Variants in LRRTM4 observed in about 807,000 individuals in gnomAD.
The protein encoded by LRRTM4 is leucine rich repeat transmembrane neuronal 4, also known as leucine-rich repeat transmembrane neuronal protein 4.
In LRRTM4, 25 loss-of-function variants were observed where a neutral mutation model predicts 47.6. That is an observed-to-expected ratio of 0.53 (90% CI 0.38 to 0.73). LRRTM4 has a LOEUF of 0.73. LRRTM4 is among the 30% of genes least tolerant of loss of function. The pLI, the probability that LRRTM4 is intolerant of heterozygous loss-of-function variation, is 0.00. For missense variants in LRRTM4, 638 were observed against 713.4 expected (o/e 0.89, Z 1.20); for synonymous variants, 311 against 269.5 (o/e 1.15, Z -1.51).
intron 3 of LRRTM4, among the ~76,000 whole-genome samples, chr2:76,760,759 A>G (rs897141437): frequency 6.6e-6 from 1 of 152,192 alleles, no homozygotes; most frequent in Admixed American, 6.5e-5. Flanking sequence ...CCTTCTAATG[A>G]GCAGTAAAAA....
chr2:77,167,009 G>T (rs906952232), intron 3 of LRRTM4, among the ~76,000 whole-genome samples: 1 of 152,100 alleles, frequency 6.6e-6, no homozygotes, highest in Non-Finnish European at 1.5e-5. Flanking sequence ...TACCATCAGA[G>T]TGAAGAGGCA....
chr2:77,324,242 G>A (rs1176967683), intron 3 of LRRTM4, among the ~76,000 whole-genome samples: 1 of 152,144 alleles, frequency 6.6e-6, no homozygotes, highest in Admixed American at 6.5e-5. Context: ...AGCTTGTGTT[G>A]AGGTGTATTG....
intron 3 of LRRTM4, among the ~76,000 whole-genome samples, chr2:76,820,971 A>T (rs1671035722): frequency 6.6e-6 from 1 of 151,690 alleles, no homozygotes; most frequent in African/African-American, 2.4e-5. Context: ...CTTTTTTTGC[A>T]TTGAAATTAA....
intron 3 of LRRTM4, among the ~76,000 whole-genome samples, chr2:77,300,904 T>C (rs556250830): frequency 1.3e-5 from 2 of 152,278 alleles, no homozygotes; most frequent in East Asian, 3.9e-4. Flanking sequence ...CATTAAGGTG[T>C]TTTTCCATTT....
At chr2:77,091,179 A>G (rs1376330589) in intron 3 of LRRTM4, among the ~76,000 whole-genome samples, 1 of 151,622 alleles carries the variant, frequency 6.6e-6, no homozygotes, top group African/African-American at 2.4e-5. Flanking sequence ...CTATTCCTGG[A>G]CTACAGCTAT....
intron 3 of LRRTM4, among the ~76,000 whole-genome samples, chr2:77,411,538 C>T (rs1484684438): frequency 6.8e-6 from 1 of 147,756 alleles, no homozygotes; most frequent in Non-Finnish European, 1.5e-5. Context: ...CTGCAAGCTC[C>T]GCCTCCCGGG....
intron 3 of LRRTM4, among the ~76,000 whole-genome samples, chr2:76,879,305 T>C (rs1014455262): frequency 2.6e-5 from 4 of 152,182 alleles, no homozygotes; most frequent in Non-Finnish European, 5.9e-5. Flanking sequence ...GGTGACTCTC[T>C]TGTTAGGGGC....
At chr2:77,258,641 T>C (rs779584072) in intron 3 of LRRTM4, among the ~76,000 whole-genome samples, 2 of 151,986 alleles carry the variant, frequency 1.3e-5, no homozygotes, top group Non-Finnish European at 2.9e-5. Context: ...GGCACTGAGA[T>C]AGTAAACTCG....
intron 3 of LRRTM4, among the ~76,000 whole-genome samples, chr2:77,052,804 G>T (rs945572242): frequency 3.0e-4 from 46 of 151,982 alleles, no homozygotes; most frequent in African/African-American, 9.7e-4. Flanking sequence ...AAAGGACGCT[G>T]ACACAGAATT....
At chr2:77,261,396 G>A (rs974980754) in intron 3 of LRRTM4, among the ~76,000 whole-genome samples, 1 of 152,178 alleles carries the variant, frequency 6.6e-6, no homozygotes, top group Admixed American at 6.6e-5. Context: ...AAGCCGTTTT[G>A]TAACCATCCA....
intron 3 of LRRTM4, among the ~76,000 whole-genome samples, chr2:76,973,418 C>A (rs985651001): frequency 2.6e-5 from 4 of 151,934 alleles, no homozygotes; most frequent in Non-Finnish European, 4.4e-5. Flanking sequence ...TGTCAGCTAT[C>A]TGCTGCATAA....
intron 3 of LRRTM4, among the ~76,000 whole-genome samples, chr2:77,108,728 C>T (rs999411264): frequency 1.4e-4 from 21 of 151,780 alleles, no homozygotes; most frequent in African/African-American, 3.9e-4. Context: ...GGACTACAGG[C>T]GCCCGCCACC....
intron 3 of LRRTM4, among the ~76,000 whole-genome samples, chr2:77,111,870 G>A (rs1031987845): frequency 6.6e-6 from 1 of 152,070 alleles, no homozygotes; most frequent in Non-Finnish European, 1.5e-5. Flanking sequence ...AAAATCTATG[G>A]TAAGAACAAA....
At chr2:76,762,442 T>C (rs9917184) in intron 3 of LRRTM4, among the ~76,000 whole-genome samples, 22,706 of 152,134 alleles carry the variant, frequency 0.15, 1,791 homozygotes, top group Non-Finnish European at 0.17. Context: ...CCCTCACCTC[T>C]CAAACTCTGA....
chr2:76,877,062 G>C (rs530167565), intron 3 of LRRTM4, among the ~76,000 whole-genome samples: 1 of 152,122 alleles, frequency 6.6e-6, no homozygotes, highest in East Asian at 1.9e-4. Flanking sequence ...GAATTTATTA[G>C]GGTTTTTGAT....
chr2:76,984,492 T>C (rs1025039373), intron 3 of LRRTM4, among the ~76,000 whole-genome samples: 23 of 151,954 alleles, frequency 1.5e-4, no homozygotes, highest in Admixed American at 1.4e-3. Flanking sequence ...TGCATGGCCA[T>C]GTAACATTTG....
At chr2:77,452,387 T>C (rs1676291792) in intron 3 of LRRTM4, among the ~76,000 whole-genome samples, 1 of 152,020 alleles carries the variant, frequency 6.6e-6, no homozygotes, top group African/African-American at 2.4e-5. Flanking sequence ...GATAAGAAAA[T>C]GTTGAGGGTC....
At chr2:76,974,159 T>TATACATAC (rs1676319506) in intron 3 of LRRTM4, among the ~76,000 whole-genome samples, 1 of 132,780 alleles carries the variant, frequency 7.5e-6, no homozygotes, top group African/African-American at 2.8e-5. Context: ...TACATACATA[T>TATACATAC]ATATATATAC....
chr2:76,909,344 C>T (rs1226784921), intron 3 of LRRTM4, among the ~76,000 whole-genome samples: 5 of 152,150 alleles, frequency 3.3e-5, no homozygotes, highest in African/African-American at 1.2e-4. Context: ...AAAATCAATT[C>T]AAGATGGATT....
Sources: gnomAD v4.1 joint callset for allele counts (sites outside exome capture counted in the v4.1 genomes callset) on GRCh38, gnomAD v4.1.1 for gene constraint, MANE v1.5 for transcripts, NCBI Gene and HGNC (gene_info 2026-07-23, HGNC 2026-07-21) for gene names.